CNNM2: variants seen among roughly 807,000 people sequenced by gnomAD.
CNNM2 encodes metal transporter CNNM2.
In CNNM2, 12 loss-of-function variants were observed where a neutral mutation model predicts 66.9. That is an observed-to-expected ratio of 0.18 (90% CI 0.11 to 0.29). The LOEUF (loss-of-function observed/expected upper bound fraction) is 0.29, where lower values mean the gene tolerates loss of function less well. Among genes scored for constraint, CNNM2 ranks in the 10% least tolerant of loss-of-function variants. The pLI, the probability that CNNM2 is intolerant of heterozygous loss-of-function variation, is 1.00. For synonymous variants in CNNM2, 557 were observed against 501.8 expected (o/e 1.11, Z -1.47); for missense variants, 705 against 1,167.7 (o/e 0.60, Z 5.77).
intron 1 of CNNM2, among the ~76,000 whole-genome samples, chr10:102,980,028 C>T (rs2063695334): frequency 6.6e-6 from 1 of 152,080 alleles, no homozygotes; most frequent in Non-Finnish European, 1.5e-5. Context: ...ATTCTCCTGC[C>T]TCAACCTCCC....
chr10:103,003,407 CCTA>C (rs1332429725), intron 1 of CNNM2, among the ~76,000 whole-genome samples: 4 of 152,320 alleles, frequency 2.6e-5, no homozygotes, highest in Admixed American at 2.6e-4. Flanking sequence ...AGCTACCACA[CCTA>C]GCCCTCCTTC....
intron 1 of CNNM2, among the ~76,000 whole-genome samples, chr10:102,939,280 A>C (rs186962599): frequency 6.6e-6 from 1 of 152,240 alleles, no homozygotes; most frequent in Middle Eastern, 3.4e-3. Flanking sequence ...GTCTTAGGGG[A>C]TCATTAGCTG....
At chr10:102,935,869 T>C (rs1007112543) in intron 1 of CNNM2, among the ~76,000 whole-genome samples, 3 of 149,100 alleles carry the variant, frequency 2.0e-5, no homozygotes, top group Non-Finnish European at 4.4e-5. Flanking sequence ...TCCTTCCACC[T>C]TGGACTCCTA....
At chr10:103,013,572 A>G (rs1401625330) in intron 1 of CNNM2, among the ~76,000 whole-genome samples, 1 of 152,144 alleles carries the variant, frequency 6.6e-6, no homozygotes, top group Non-Finnish European at 1.5e-5. Context: ...CCAAGAAGAA[A>G]TGGGGTTTGA....
At position 102,934,263 on chromosome 10, in the gene CNNM2, C is replaced by A. The variant is rs1056679414; in HGVS notation, c.1621+14162C>A. On this transcript the variant is annotated intron_variant, in intron 1 of 7. Coordinates refer to ENST00000369878, the MANE Select transcript of CNNM2 (RefSeq NM_017649.5). ...TAGGAGTTTAAAAGCAAGTCTATTT[C>A]TTTCTTTCTTTCTTTCTTTTTTTTT... is the stretch of plus-strand genomic sequence containing the variant. 5.5e-5 allele frequency among the ~76,000 whole-genome samples: 8 copies of A among 145,444 alleles called. No homozygotes were observed. In the South Asian group the frequency reaches 6.4e-4, roughly 12 times the overall value.
chr10:102,970,819 A>C (rs1362062990), intron 1 of CNNM2, among the ~76,000 whole-genome samples: 1 of 152,082 alleles, frequency 6.6e-6, no homozygotes, highest in African/African-American at 2.4e-5. Flanking sequence ...CTCAAGTGTC[A>C]CCCTGGAAGG....
chr10:103,015,331 AT>A (rs1242295357), intron 1 of CNNM2, among the ~76,000 whole-genome samples: 2 of 152,150 alleles, frequency 1.3e-5, no homozygotes, highest in Non-Finnish European at 2.9e-5. Context: ...TGCTTACCCA[AT>A]TTTTGACCAC....
At chr10:102,969,077 C>G (rs905987128) in intron 1 of CNNM2, among the ~76,000 whole-genome samples, 7 of 151,808 alleles carry the variant, frequency 4.6e-5, no homozygotes, top group Admixed American at 2.0e-4. Flanking sequence ...CCATGCCTGG[C>G]TAATTTTTTC....
intron 1 of CNNM2, among the ~76,000 whole-genome samples, chr10:102,949,122 A>G (rs1846727436): frequency 6.6e-6 from 1 of 152,130 alleles, no homozygotes; most frequent in Non-Finnish European, 1.5e-5. Flanking sequence ...AGCTAAATTT[A>G]GGCAATGGAC....
chr10:102,938,702 G>T (rs1455055659), intron 1 of CNNM2, among the ~76,000 whole-genome samples: 1 of 149,856 alleles, frequency 6.7e-6, no homozygotes, highest in African/African-American at 2.5e-5. Context: ...TTTAGGGAGA[G>T]AAATCGATGT....
Position 103,087,963 on chromosome 10 carries a change from T to G in CNNM2, c.*10783T>G, listed in dbSNP as rs1308406726. 1 of 152,244 alleles carries G rather than the reference T, an allele frequency of 6.6e-6. No homozygotes were observed. Among genetic ancestry groups the G allele is most frequent in the Non-Finnish European group, 1.5e-5 (1 of 68,032 alleles). 9.4% of individuals were successfully genotyped at this position (152,244 alleles called of 1,614,324 possible). ...TTTTTTAAAAAGCCTCACTTCACAG[T>G]CCTGTTCCAAAAATCTTTCTGTGAA... is the stretch of plus-strand genomic sequence containing the variant. On this transcript the variant is annotated 3_prime_UTR_variant, in exon 8 of 8. Coordinates refer to ENST00000369878, the MANE Select transcript of CNNM2 (RefSeq NM_017649.5).
chr10:102,927,301 GT>G, intron 1 of CNNM2: 1 of 1,611,762 alleles, frequency 6.2e-7, no homozygotes, highest in Non-Finnish European at 8.5e-7. Flanking sequence ...ATTGAATACA[GT>G]TTTTTAAAGT....
intron 1 of CNNM2, among the ~76,000 whole-genome samples, chr10:102,990,081 A>G (rs1232929529): frequency 2.0e-5 from 3 of 151,638 alleles, no homozygotes; most frequent in South Asian, 2.1e-4. Flanking sequence ...AGTAGCTGGG[A>G]TTATAGGCAT....
At chr10:102,934,119 C>T (rs192311026) in intron 1 of CNNM2, among the ~76,000 whole-genome samples, 120 of 151,202 alleles carry the variant, frequency 7.9e-4, no homozygotes, top group Middle Eastern at 6.8e-3. Context: ...ACTGGGATTA[C>T]GGATGAGTCA....
At chr10:103,070,887 G>A (rs1043292923) in intron 5 of CNNM2, among the ~76,000 whole-genome samples, 7 of 152,098 alleles carry the variant, frequency 4.6e-5, no homozygotes, top group Non-Finnish European at 1.0e-4. Flanking sequence ...CGCAGAGCAC[G>A]CCACTGTACT....
intron 1 of CNNM2, among the ~76,000 whole-genome samples, chr10:103,042,117 C>G (rs1485204165): frequency 2.6e-5 from 4 of 152,216 alleles, no homozygotes; most frequent in African/African-American, 9.6e-5. Flanking sequence ...AGCGGCAGCT[C>G]TGTTCCTCTC....
chr10:102,993,074 A>T lies in CNNM2; in HGVS notation c.1622-56633A>T, dbSNP rs4917379. Among the ~76,000 whole-genome samples the T allele has an allele frequency of 0.1, 15,961 of 152,078 alleles. 850 individuals are homozygous for T. Among genetic ancestry groups the T allele is most frequent in the Middle Eastern group, 0.17 (50 of 292 alleles). Reference sequence around the variant, plus strand: ...ATTGCAGGTTCTTGGTCCTTGTCTTACTTGTTTTCGTAACTGGCTTATAGA... The same window carrying T: ...ATTGCAGGTTCTTGGTCCTTGTCTTTCTTGTTTTCGTAACTGGCTTATAGA... On this transcript the variant is annotated intron_variant, in intron 1 of 7. Coordinates refer to ENST00000369878, the MANE Select transcript of CNNM2 (RefSeq NM_017649.5).
Position 103,044,544 on chromosome 10 carries a change from T to C in CNNM2, c.1622-5163T>C, listed in dbSNP as rs572356072. 1.1e-3 allele frequency among the ~76,000 whole-genome samples: 153 copies of C among 138,122 alleles called. No individual in the cohort carries two copies. Among genetic ancestry groups the C allele is most frequent in the Admixed American group, 1.8e-3 (24 of 13,648 alleles). 90.6% of individuals were successfully genotyped at this position (138,122 alleles called of 152,430 possible). A position where few individuals can be genotyped will look rare whatever the true frequency, so the allele number is the denominator to read the frequency against. ...GCACTCCAGCCAGGGAGTGAGACCC[T>C]GTCTCAGAAAAAAAAAAAAAAGTTG... On this transcript the variant is annotated intron_variant, in intron 1 of 7. Transcript: ENST00000369878.
At chr10:102,948,869 C>CT (rs1311906299) in intron 1 of CNNM2, among the ~76,000 whole-genome samples, 2 of 139,510 alleles carry the variant, frequency 1.4e-5, no homozygotes, top group African/African-American at 5.3e-5. Context: ...ACCAACCCCC[C>CT]TTTCAATGAT....
Sources: gnomAD v4.1 joint callset for allele counts (sites outside exome capture counted in the v4.1 genomes callset) on GRCh38, gnomAD v4.1.1 for gene constraint, MANE v1.5 for transcripts, NCBI Gene and HGNC (gene_info 2026-07-23, HGNC 2026-07-21) for gene names.